The following UBE2E1 variants were observed in gnomAD, a reference collection of about 807,000 sequenced individuals.
UBE2E1 encodes the protein ubiquitin-conjugating enzyme E2 E1.
A neutral mutation model predicts 21.4 loss-of-function variants in UBE2E1; 6 were observed. The observed-to-expected ratio is 0.28, with a 90% confidence interval of 0.15 to 0.55. The LOEUF (loss-of-function observed/expected upper bound fraction) is 0.55. Ranked by LOEUF, UBE2E1 falls within the 20% of genes least tolerant of loss-of-function variation. UBE2E1 has a pLI of 0.93. For missense variants in UBE2E1, 142 were observed against 236.5 expected, an observed-to-expected ratio of 0.60 and a Z score of 2.62; for synonymous variants, 87 against 82.7, an observed-to-expected ratio of 1.05 and a Z score of -0.28.
intron 3 of UBE2E1, among the ~76,000 whole-genome samples, chr3:23,882,848 C>T (rs1482490758): frequency 6.6e-6 from 1 of 152,200 alleles, no homozygotes; most frequent in Non-Finnish European, 1.5e-5. Flanking sequence ...CTGCCAAGTC[C>T]ACGCCCACCC....
chr3:23,882,314 A>G (rs1048189419), intron 3 of UBE2E1, among the ~76,000 whole-genome samples: 3 of 152,204 alleles, frequency 2.0e-5, no homozygotes, highest in African/African-American at 7.2e-5. Flanking sequence ...AAAGTTCTCC[A>G]AGTCCCCACT....
chr3:23,882,996 G>A (rs1311319424), intron 3 of UBE2E1, among the ~76,000 whole-genome samples: 1 of 152,194 alleles, frequency 6.6e-6, no homozygotes, highest in African/African-American at 2.4e-5. Flanking sequence ...GTGCAGCAGG[G>A]GGCTGAAGGG....
intron 3 of UBE2E1, among the ~76,000 whole-genome samples, chr3:23,822,430 G>A (rs1699663664): frequency 6.6e-6 from 1 of 152,082 alleles, no homozygotes; most frequent in African/African-American, 2.4e-5. Context: ...GATGGGGAAA[G>A]GGCCCACCAT....
intron 3 of UBE2E1, among the ~76,000 whole-genome samples, chr3:23,868,034 A>T (rs1199971180): frequency 1.3e-5 from 2 of 152,202 alleles, no homozygotes; most frequent in African/African-American, 2.4e-5. Context: ...TTACCCAAAG[A>T]TGTAGCATAT....
intron 3 of UBE2E1, among the ~76,000 whole-genome samples, chr3:23,838,613 C>A (rs963550837): frequency 4.6e-5 from 7 of 152,150 alleles, no homozygotes; most frequent in Non-Finnish European, 8.8e-5. Context: ...TCTCCTGCCT[C>A]AGCCTCCTAA....
chr3:23,864,112 T>TGGAA, intron 3 of UBE2E1, among the ~76,000 whole-genome samples: 1 of 152,362 alleles, frequency 6.6e-6, no homozygotes, highest in East Asian at 1.9e-4. Flanking sequence ...ATCTCTATTC[T>TGGAA]TCCCTAGCAC....
Position 23,807,306 on chromosome 3 carries a change from T to G in UBE2E1, c.37T>G (p.Ser13Ala). ...DDDSRASTSSSSSSSSNQQTE... is the reference protein window; with the variant it reads ...DDDSRASTSSASSSSSNQQTE... ...CGATTCGAGGGCCAGCACCAGCTCCTCCTCATCTTCGTCTTCCAACCAGCA... is the reference window on the plus strand; with the variant it reads ...CGATTCGAGGGCCAGCACCAGCTCCGCCTCATCTTCGTCTTCCAACCAGCA... Residue 13 changes from serine (S) to alanine (A), a missense_variant, in exon 2 of 6, where the codon TCC (serine) becomes GCC (alanine). By Grantham distance (99) the Ser-to-Ala change is moderately conservative (BLOSUM62 1). This residue lies in a region of UBE2E1 where 55 missense variants were observed against 51.5 expected (regional missense o/e 1.07). Transcript: ENST00000306627. 6.2e-7 allele frequency: 1 copy of G among 1,613,978 alleles called. No individual in the cohort carries two copies. The highest frequency in any genetic ancestry group is 8.5e-7 in the Non-Finnish European group (1 of 1,179,954).
intron 3 of UBE2E1, among the ~76,000 whole-genome samples, chr3:23,819,827 T>C (rs1223398880): frequency 6.6e-6 from 1 of 152,138 alleles, no homozygotes; most frequent in African/African-American, 2.4e-5. Context: ...TGGACGTCAG[T>C]GTGGCAAAAA....
intron 3 of UBE2E1, among the ~76,000 whole-genome samples, chr3:23,861,153 A>T (rs2125313527): frequency 6.6e-6 from 1 of 152,290 alleles, no homozygotes; most frequent in East Asian, 1.9e-4. Flanking sequence ...CCTTCGGAGG[A>T]TCTGTGGTTT....
At chr3:23,882,423 A>G (rs1575039908) in intron 3 of UBE2E1, among the ~76,000 whole-genome samples, 2 of 152,388 alleles carry the variant, frequency 1.3e-5, no homozygotes, top group African/African-American at 2.4e-5. Flanking sequence ...GCTAGACGTA[A>G]AAGTTCTCCA....
chr3:23,864,044 C>T (rs1275823767), intron 3 of UBE2E1, among the ~76,000 whole-genome samples: 1 of 152,132 alleles, frequency 6.6e-6, no homozygotes, highest in African/African-American at 2.4e-5. Flanking sequence ...CCCTCAGTAA[C>T]TTCCTGAAAA....
rs988743480 is a variant in UBE2E1, at chr3:23,889,422, T to C, written c.484+163T>C. ...GTTTTAATCAAGTTCAGTCTACTAG[T>C]TGAGACACACAACTTCATTAATCAG... On this transcript the variant is annotated intron_variant, in intron 5 of 5. Transcript: ENST00000306627. 5 of 1,469,636 alleles carry C rather than the reference T, an allele frequency of 3.4e-6. No homozygotes were observed. In the Admixed American group the frequency reaches 1.0e-4, roughly 30 times the overall value. The allele number at this position is 1,469,636 out of a possible 1,614,324, so 91.0% of individuals were successfully genotyped here.
intron 3 of UBE2E1, among the ~76,000 whole-genome samples, chr3:23,840,939 T>C (rs1700071850): frequency 6.6e-6 from 1 of 152,212 alleles, no homozygotes; most frequent in African/African-American, 2.4e-5. Context: ...TGCTGTTTTA[T>C]ATATTTTGTC....
At chr3:23,854,912 T>G (rs1258533102) in intron 3 of UBE2E1, among the ~76,000 whole-genome samples, 1 of 152,222 alleles carries the variant, frequency 6.6e-6, no homozygotes, top group Non-Finnish European at 1.5e-5. Flanking sequence ...TGGTATTTTA[T>G]GGGAGAATTC....
intron 3 of UBE2E1, chr3:23,879,049 C>G: frequency 2.0e-6 from 1 of 503,228 alleles, no homozygotes; most frequent in South Asian, 1.6e-5. Context: ...CTCAGTTCAC[C>G]CCTTGCCAAC....
intron 3 of UBE2E1, among the ~76,000 whole-genome samples, chr3:23,855,705 C>A (rs1700420172): frequency 6.6e-6 from 1 of 151,998 alleles, no homozygotes; most frequent in Non-Finnish European, 1.5e-5. Flanking sequence ...TGGTGGGCGC[C>A]TGTAGTCCCA....
intron 3 of UBE2E1, among the ~76,000 whole-genome samples, chr3:23,849,082 T>A (rs1364543659): frequency 2.0e-5 from 3 of 152,264 alleles, no homozygotes; most frequent in Non-Finnish European, 4.4e-5. Flanking sequence ...TGAACATTCA[T>A]GTGCAAGTTT....
chr3:23,831,321 C>G (rs970364383), intron 3 of UBE2E1, among the ~76,000 whole-genome samples: 1 of 152,060 alleles, frequency 6.6e-6, no homozygotes, highest in Non-Finnish European at 1.5e-5. Context: ...CTGCCCACAG[C>G]CTGCCTGAAG....
intron 3 of UBE2E1, among the ~76,000 whole-genome samples, chr3:23,827,300 T>C (rs189790702): frequency 6.6e-6 from 1 of 152,258 alleles, no homozygotes; most frequent in Non-Finnish European, 1.5e-5. Flanking sequence ...TCATTCACTT[T>C]ATACAGAATA....
Sources: gnomAD v4.1 joint callset for allele counts (sites outside exome capture counted in the v4.1 genomes callset) on GRCh38, gnomAD v4.1.1 for gene constraint, gnomAD v4.1.1 regional missense constraint, MANE v1.5 for transcripts, NCBI Gene and HGNC (gene_info 2026-07-23, HGNC 2026-07-21) for gene names.